DDX56: variants seen among roughly 807,000 people sequenced by gnomAD.
DDX56 encodes the protein DEAD-box helicase 56.
DDX56 carries 45 observed loss-of-function variants against 61.5 expected under a neutral mutation model. The observed-to-expected ratio is 0.73, with a 90% CI of 0.58 to 0.94. The LOEUF (loss-of-function observed/expected upper bound fraction) is 0.94. DDX56 is among the 40% of genes least tolerant of loss of function. The pLI is 0.00. For synonymous variants in DDX56, 273 were observed against 268.3 expected (o/e 1.02, Z -0.17); for missense variants, 708 against 690.7 (o/e 1.02, Z -0.28).
intron 12 of DDX56, chr7:44,567,573 C>T (rs217379): frequency 0.39 from 67,315 of 171,954 alleles, 14,035 homozygotes; most frequent in Middle Eastern, 0.52. Context: ...AGAAACCAAT[C>T]CCAGGGTCCT....
chr7:44,569,022 T>C, intron 10 of DDX56, 30 bp from the exon 11 acceptor site: 1 of 1,612,942 alleles, frequency 6.2e-7, no homozygotes, highest in Non-Finnish European at 8.5e-7. Flanking sequence ...GTCAAGACAG[T>C]GAGGCTGCCC....
rs1203193850 is a variant in DDX56, at chr7:44,573,724, C to A, written c.81G>T (p.Trp27Cys). ...RLLQAVTDLG[W>C]SRPTLIQEKA... ...TCTCCTGGATCAGCGTAGGTCGCGA[C>A]CAGCCCAGATCGGTGACAGCCTAGG... Residue 27 changes from tryptophan (W) to cysteine (C), a missense_variant, in exon 2 of 14, where the codon TGG (tryptophan) becomes TGT (cysteine). By Grantham distance (215) the Trp-to-Cys change is radical. Coordinates refer to ENST00000258772, the MANE Select transcript of DDX56 (RefSeq NM_019082.4). 6.2e-7 allele frequency: 1 copy of A among 1,613,518 alleles called. No homozygotes were observed.
At chr7:44,572,479 G>A (rs552158700) in intron 4 of DDX56, 42 bp from the exon 5 acceptor site, 22 of 1,612,090 alleles carry the variant, frequency 1.4e-5, no homozygotes, top group Middle Eastern at 1.7e-4. Context: ...TCCAAGGGCC[G>A]CTAATTGTAG....
intron 5 of DDX56, 32 bp from the exon 6 acceptor site, chr7:44,571,768 G>C (rs1276734041): frequency 6.2e-7 from 1 of 1,610,874 alleles, no homozygotes; most frequent in Non-Finnish European, 8.5e-7. Flanking sequence ...TGGTCAGAAA[G>C]GAAAAGAACA....
In DDX56 at chr7:44,571,764, G is replaced by C. The variant is rs1302264369; in HGVS notation, c.646-28C>G. On this transcript the variant is annotated intron_variant, in intron 5 of 13. Coordinates refer to ENST00000258772, the MANE Select transcript of DDX56 (RefSeq NM_019082.4). ...GGGGGAGAAAACAGGCCTGTGGTCA[G>C]AAAGGAAAAGAACACAGAGATGTAT... 4 of 1,611,524 alleles carry C rather than the reference G, an allele frequency of 2.5e-6. No individual in the cohort carries two copies. The African/African-American group carries it at 5.3e-5, about 21-fold the overall frequency.
rs138531895 is a variant in DDX56 at position 44,571,640 on chromosome 7, G to C, written c.742C>G (p.Leu248Val). 2 of 1,614,084 alleles carry C rather than the reference G, an allele frequency of 1.2e-6. No homozygotes were observed. The highest frequency in any genetic ancestry group is 1.7e-6 in the Non-Finnish European group (2 of 1,180,060). The part of the protein sequence containing the change: ...CETEEDKFLL[L>V]YALLKLSLIR... Reference sequence around the variant, plus strand: ...AATGACAGCTTGAGCAGGGCATACAGCAGGAGGAATTTGTCTTCCTCAGTC... The same window carrying C: ...AATGACAGCTTGAGCAGGGCATACACCAGGAGGAATTTGTCTTCCTCAGTC... Residue 248 changes from leucine (L) to valine (V), a missense_variant, in exon 6 of 14, where the codon CTG becomes GTG. Coordinates refer to ENST00000258772, the MANE Select transcript of DDX56 (RefSeq NM_019082.4).
chr7:44,569,990 G>A, intron 8 of DDX56, 25 bp downstream of exon 8: 6 of 1,614,034 alleles, frequency 3.7e-6, no homozygotes, highest in South Asian at 2.2e-5. Flanking sequence ...CTACCATGCA[G>A]ATGCCTGGGC....
chr7:44,571,831 G>T, intron 5 of DDX56, 95 bp from the exon 6 acceptor site: 1 of 1,495,014 alleles, frequency 6.7e-7, no homozygotes. Context: ...TTTTAGTGCA[G>T]GGCAGAGATG....
intron 7 of DDX56, among the ~76,000 whole-genome samples, chr7:44,570,472 G>A (rs1218536905): frequency 1.3e-5 from 2 of 152,192 alleles, no homozygotes; most frequent in Non-Finnish European, 2.9e-5. Context: ...CTCCCTGCAA[G>A]TCACAGCCAT....
chr7:44,570,531 A>C (rs1452115826), intron 7 of DDX56, among the ~76,000 whole-genome samples: 1 of 152,222 alleles, frequency 6.6e-6, no homozygotes, highest in African/African-American at 2.4e-5. Flanking sequence ...CTGCATGCCA[A>C]CAACCCCGGC....
chr7:44,570,080 A>C lies in DDX56; in HGVS notation c.1059T>G (p.His353Gln). 6.2e-7 allele frequency: 1 copy of C among 1,614,172 alleles called. No individual in the cohort carries two copies. The highest frequency in any genetic ancestry group is 8.5e-7 in the Non-Finnish European group (1 of 1,180,016). Reference sequence around the variant, plus strand: ...GATCAAAGTTGAGCACAGCAGACACATGGTGGAAGTCTATGCCCCGGGCCA... The same window carrying C: ...GATCAAAGTTGAGCACAGCAGACACCTGGTGGAAGTCTATGCCCCGGGCCA... ...AGVARGIDFH[H>Q]VSAVLNFDLP... Residue 353 changes from histidine to glutamine, a missense_variant, in exon 8 of 14, where the codon CAT (histidine) becomes CAG (glutamine). Physicochemically the swap from His to Gln is conservative, Grantham distance 24. Transcript: ENST00000258772.
At chr7:44,566,212 G>A in intron 13 of DDX56, 133 bp from the exon 14 acceptor site, 1 of 683,276 alleles carries the variant, frequency 1.5e-6, no homozygotes, top group South Asian at 1.8e-5. Flanking sequence ...AGGTGCTGCA[G>A]ATAAGGAAAT....
rs150218184 is a variant in DDX56 at position 44,573,018 on chromosome 7, G to A, written c.255C>T (p.Gly85=). The A allele has an allele frequency of 2.8e-3, 4,533 of 1,600,966 alleles. 9 individuals are homozygous for A. Among genetic ancestry groups the A allele is most frequent in the Non-Finnish European group, 3.6e-3 (4,182 of 1,174,718 alleles). Residue 85 remains glycine (G), a synonymous_variant, in exon 3 of 14, where the codon GGC becomes GGT. Coordinates refer to ENST00000258772, the MANE Select transcript of DDX56 (RefSeq NM_019082.4). The stretch of plus-strand genomic sequence containing the variant: ...GCTCCTTGGTAGGAACAAGAACAAG[G>A]CCTCTCACTGCCTGTTCTACCACCG... ...TGPVVEQAVR[G]LVLVPTKELA...
rs145535023 is a variant in DDX56, at chr7:44,570,638, C to T, written c.1010+120G>A. ...AGAACCTGTGGGGCTCTCTGGGCTA[C>T]ACTACCAGCCAGGCCTGGAAGGTTT... On this transcript the variant is annotated intron_variant, in intron 7 of 13. Coordinates refer to ENST00000258772, the MANE Select transcript of DDX56 (RefSeq NM_019082.4). 3,432 of 1,351,792 alleles carry T rather than the reference C, an allele frequency of 2.5e-3. 11 individuals are homozygous for T. The highest frequency in any genetic ancestry group is 3.2e-3 in the Non-Finnish European group (3,174 of 993,438). 83.7% of individuals were successfully genotyped at this position (1,351,792 alleles called of 1,614,324 possible).
At chr7:44,570,939 C>A (rs891521050) in intron 6 of DDX56, 62 bp from the exon 7 acceptor site, 3 of 1,561,378 alleles carry the variant, frequency 1.9e-6, no homozygotes, top group East Asian at 2.3e-5. Flanking sequence ...CCTCTGCCAT[C>A]CCTAGTATCA....
Position 44,569,836 on chromosome 7 carries a change from CTAAGTGG to C in DDX56, c.1185_1191del (p.Phe395LeufsTer41). ...CCACTGAGAAGCTCCTCAATCTTGC[CTAAGTGG>C]AACTGCTCCGTGGGAAGCACAAAGG... On this transcript the variant is annotated frameshift_variant, in exon 9 of 14. Transcript: ENST00000258772. LOFTEE classifies it high-confidence loss of function. 6.2e-7 allele frequency: 1 copy of C among 1,610,042 alleles called. No individual in the cohort carries two copies. The highest frequency in any genetic ancestry group is 8.5e-7 in the Non-Finnish European group (1 of 1,177,832).
intron 12 of DDX56, among the ~76,000 whole-genome samples, chr7:44,567,179 GCCC>G (rs945265921): frequency 6.8e-6 from 1 of 146,080 alleles, no homozygotes; most frequent in African/African-American, 2.5e-5. Context: ...TGGGAACCCG[GCCC>G]CCACCGCTCT....
chr7:44,570,775 T>C lies in DDX56; in HGVS notation c.993A>G (p.Arg331=). 1 of 1,612,904 alleles carries C rather than the reference T, an allele frequency of 6.2e-7. No individual in the cohort carries two copies. The change falls in exon 7 of 14, where the codon CGA becomes CGG. Residue 331 remains arginine, a synonymous_variant. Coordinates refer to ENST00000258772, the MANE Select transcript of DDX56 (RefSeq NM_019082.4). The stretch of plus-strand genomic sequence containing the variant: ...GGACTCACTTGTCCCCTTTGGGCCC[T>C]CGGCCCCGACGCTTGCCCTTGACTG... ...GAPVKGKRRG[R]GPKGDKASDP...
At chr7:44,567,745 A>C (rs1030197017) in intron 12 of DDX56, 1 of 318,684 alleles carries the variant, frequency 3.1e-6, no homozygotes, top group African/African-American at 2.2e-5. Flanking sequence ...AGTCTTTTGC[A>C]GCACAGGTGG....
Sources: gnomAD v4.1 joint callset for allele counts (sites outside exome capture counted in the v4.1 genomes callset) on GRCh38, gnomAD v4.1.1 for gene constraint, MANE v1.5 for transcripts, NCBI Gene and HGNC (gene_info 2026-07-23, HGNC 2026-07-21) for gene names.